The following F5 variants were observed in gnomAD, a reference collection of about 807,000 sequenced individuals.
F5 encodes coagulation factor V, also known as activated protein c cofactor.
In F5, 138 loss-of-function variants were observed where a neutral mutation model predicts 216.4. The observed-to-expected ratio is 0.64, with a 90% CI of 0.56 to 0.73. The LOEUF is 0.73. Ranked by LOEUF, F5 falls within the 30% of genes least tolerant of loss-of-function variation. The pLI, the probability that F5 is intolerant of heterozygous loss-of-function variation, is 0.00. For synonymous variants in F5, 916 were observed against 930.7 expected (o/e 0.98, Z 0.29); for missense variants, 2,403 against 2,674.0 (o/e 0.90, Z 2.24).
rs749010359 is a variant in F5 at position 169,560,621 on chromosome 1, G to C, written c.519C>G (p.Tyr173Ter). ...DDPPCLTHIY[Y>*]SHENLIEDFN... ...AATCCTCGATCAGATTTTCATGGGA[G>C]TAATAGATGTGTGTGAGGCATGGAG... The change falls in exon 4 of 25, where the codon TAC (tyrosine) becomes TAG (stop). Residue 173 changes from tyrosine (Y) to a stop codon, truncating the protein, a stop_gained. Coordinates refer to ENST00000367797, the MANE Select transcript of F5 (RefSeq NM_000130.5). LOFTEE classifies it high-confidence loss of function. 6.2e-7 allele frequency: 1 copy of C among 1,613,782 alleles called. No individual in the cohort carries two copies. The highest frequency in any genetic ancestry group is 8.5e-7 in the Non-Finnish European group (1 of 1,179,802).
At chr1:169,550,177 A>G (rs1451986039) in intron 9 of F5, among the ~76,000 whole-genome samples, 162 bp from the exon 10 acceptor site, 2 of 151,906 alleles carry the variant, frequency 1.3e-5, no homozygotes, top group Non-Finnish European at 2.9e-5. Flanking sequence ...CATGTGCACA[A>G]CGTGCAGGTT....
Position 169,556,633 on chromosome 1 carries a change from G to A in F5, c.952+13C>T. 3.7e-6 allele frequency: 6 copies of A among 1,611,506 alleles called. No homozygotes were observed. Among genetic ancestry groups the A allele is most frequent in the Non-Finnish European group, 5.1e-6 (6 of 1,177,746 alleles). ...CTGCATTGAGAAGCAAGACTGTCAG[G>A]AGAGTTTCTTGCCTTGCAAATGTTT... On this transcript the variant is annotated intron_variant, in intron 6 of 24. Coordinates refer to ENST00000367797, the MANE Select transcript of F5 (RefSeq NM_000130.5).
intron 9 of F5, among the ~76,000 whole-genome samples, chr1:169,550,217 G>A (rs1355939733): frequency 6.6e-6 from 1 of 150,644 alleles, no homozygotes; most frequent in African/African-American, 2.4e-5. Flanking sequence ...TGTCATGTTG[G>A]TGTGCTGCAC....
intron 6 of F5, among the ~76,000 whole-genome samples, chr1:169,555,606 G>A (rs1265823285): frequency 1.1e-5 from 1 of 92,838 alleles, no homozygotes; most frequent in Non-Finnish European, 2.0e-5. Flanking sequence ...TCTTGAGCAG[G>A]CAAATTTCTA....
chr1:169,582,347 A>G, intron 2 of F5, 84 bp downstream of exon 2: 1 of 721,076 alleles, frequency 1.4e-6, no homozygotes, highest in Admixed American at 2.9e-5. Flanking sequence ...AATTTTCAGT[A>G]AATGGATATT....
chr1:169,547,961 C>A (rs533345137), intron 10 of F5, among the ~76,000 whole-genome samples: 44 of 152,106 alleles, frequency 2.9e-4, no homozygotes, highest in Non-Finnish European at 4.4e-4. Context: ...CAATGACAGA[C>A]TGGATGAAGA....
At chr1:169,547,165 C>A (rs1032528338) in intron 10 of F5, among the ~76,000 whole-genome samples, 3 of 151,818 alleles carry the variant, frequency 2.0e-5, no homozygotes, top group African/African-American at 7.3e-5. Flanking sequence ...GACTCCATCT[C>A]AAAAATAACA....
chr1:169,557,019 C>T, intron 5 of F5, 152 bp from the exon 6 acceptor site: 1 of 695,716 alleles, frequency 1.4e-6, no homozygotes, highest in South Asian at 1.5e-5. Flanking sequence ...TAGTTTGTGC[C>T]CTGCAAAAGC....
At chr1:169,563,395 T>C (rs4268401) in intron 3 of F5, among the ~76,000 whole-genome samples, 41,597 of 152,004 alleles carry the variant, frequency 0.27, 6,048 homozygotes, top group South Asian at 0.36. Flanking sequence ...TTTCAGTCAT[T>C]ATTTCTTCAA....
rs145637633 is a variant in F5, at chr1:169,528,060, C to G, written c.5454G>C (p.Leu1818=). The G allele has an allele frequency of 1.3e-5, 21 of 1,613,834 alleles. No homozygotes were observed. The African/African-American group carries it at 2.3e-4, about 17-fold the overall frequency. Residue 1818 remains leucine, a synonymous_variant, in exon 17 of 25, where the codon CTG becomes CTC. Transcript: ENST00000367797. ...INGMIYSLPG[L]KMYEQEWVRL... ...TCACCCACTCTTGCTCATACATTTT[C>G]AGGCCAGGCAAGCTGTAGATCATCC...
At position 169,586,245 on chromosome 1, in the gene F5, C is replaced by A; in HGVS notation, c.142G>T (p.Glu48Ter). 1 of 1,614,192 alleles carries A rather than the reference C, an allele frequency of 6.2e-7. No homozygotes were observed. Among genetic ancestry groups the A allele is most frequent in the South Asian group, 1.1e-5 (1 of 91,084 alleles). Residue 48 changes from glutamate to a stop codon, truncating the protein, a stop_gained, in exon 1 of 25, where the codon GAG becomes TAG. Coordinates refer to ENST00000367797, the MANE Select transcript of F5 (RefSeq NM_000130.5). LOFTEE classifies it high-confidence loss of function. ...AQGISWSYRP[E>*]PTNSSLNLSV... ...CTGAGTTACCTTGAGTTTGTGGGCT[C>A]AGGTCGGTAGCTCCAACTGATGCCC... is the stretch of plus-strand genomic sequence containing the variant.
intron 22 of F5, among the ~76,000 whole-genome samples, chr1:169,519,245 A>G (rs1659230039): frequency 6.6e-6 from 1 of 152,202 alleles, no homozygotes; most frequent in African/African-American, 2.4e-5. Flanking sequence ...TTCTCCATGA[A>G]AAAAACAAAG....
intron 18 of F5, among the ~76,000 whole-genome samples, 199 bp from the exon 19 acceptor site, chr1:169,525,107 A>G (rs942787771): frequency 2.0e-5 from 3 of 152,208 alleles, no homozygotes; most frequent in Non-Finnish European, 4.4e-5. Flanking sequence ...ATATAGTGGC[A>G]TCCTAGAAGA....
At chr1:169,572,671 C>T (rs1467079465) in intron 2 of F5, among the ~76,000 whole-genome samples, 1 of 152,168 alleles carries the variant, frequency 6.6e-6, no homozygotes, top group Admixed American at 6.5e-5. Flanking sequence ...GAAAGATGTT[C>T]ATTTCAATTA....
At chr1:169,530,567 C>T (rs1418677656) in intron 15 of F5, among the ~76,000 whole-genome samples, 1 of 152,176 alleles carries the variant, frequency 6.6e-6, no homozygotes, top group African/African-American at 2.4e-5. Flanking sequence ...AGTAATCTTT[C>T]CTCCTCTCCA....
At position 169,514,033 on chromosome 1, in the gene F5, G is replaced by C. The variant is rs1325189940; in HGVS notation, c.*280C>G. 1 of 389,838 alleles carries C rather than the reference G, an allele frequency of 2.6e-6. No homozygotes were observed. The highest frequency in any genetic ancestry group is 2.0e-5 in the African/African-American group (1 of 49,082). 24.1% of individuals were successfully genotyped at this position (389,838 alleles called of 1,614,324 possible). A position where few individuals can be genotyped will look rare whatever the true frequency, so the allele number is the denominator to read the frequency against. ...TTAACTACATAAATATTACTTCATA[G>C]CATTTTCAATCATTAAGAAAGATAA... On this transcript the variant is annotated 3_prime_UTR_variant, in exon 25 of 25. Transcript: ENST00000367797.
At chr1:169,523,100 A>G in intron 21 of F5, 97 bp downstream of exon 21, 2 of 1,343,848 alleles carry the variant, frequency 1.5e-6, no homozygotes, top group East Asian at 2.3e-5. Context: ...AATACCCAGA[A>G]AGGTATTTTT....
intron 3 of F5, among the ~76,000 whole-genome samples, chr1:169,563,038 C>G (rs1351741227): frequency 2.6e-5 from 4 of 151,936 alleles, no homozygotes; most frequent in African/African-American, 9.7e-5. Flanking sequence ...ATGTCTAAAA[C>G]ACTCTTTATT....
At chr1:169,569,349 A>G (rs1300794085) in intron 3 of F5, among the ~76,000 whole-genome samples, 1 of 152,110 alleles carries the variant, frequency 6.6e-6, no homozygotes, top group Non-Finnish European at 1.5e-5. Flanking sequence ...ATGGCTATAT[A>G]TTATAGAACT....
Sources: gnomAD v4.1 joint callset for allele counts (sites outside exome capture counted in the v4.1 genomes callset) on GRCh38, gnomAD v4.1.1 for gene constraint, MANE v1.5 for transcripts, NCBI Gene and HGNC (gene_info 2026-07-23, HGNC 2026-07-21) for gene names.